Variants in TLN2 observed in about 807,000 individuals in gnomAD.
TLN2 encodes talin-2.
TLN2 carries 118 observed loss-of-function variants against 294.7 expected under a neutral mutation model. The ratio of observed to expected loss-of-function variants is 0.40; its 90% CI spans 0.34 to 0.47. The LOEUF (loss-of-function observed/expected upper bound fraction) is 0.47, where lower values mean the gene tolerates loss of function less well. Ranked by LOEUF, TLN2 falls within the 20% of genes least tolerant of loss-of-function variation. The pLI, the probability that TLN2 is intolerant of heterozygous loss-of-function variation, is 0.84. For synonymous variants in TLN2, 1,431 were observed against 1,304.5 expected, an observed-to-expected ratio of 1.10 and a Z score of -2.09; for missense variants, 3,083 against 3,282.2, an observed-to-expected ratio of 0.94 and a Z score of 1.48.
At chr15:62,578,841 G>A (rs186315748) in intron 1 of TLN2, among the ~76,000 whole-genome samples, 31 of 152,298 alleles carry the variant, frequency 2.0e-4, no homozygotes, top group African/African-American at 7.5e-4. Context: ...CAGGGAGCAA[G>A]GATGCCCCTG....
In TLN2 at chr15:62,436,984, C is replaced by A. The variant is rs539331353; in HGVS notation, c.-238+46299C>A. ...CCCCAAGTGATCCTCCCGCCTTGGC[C>A]TCCCAAAGTGTTGGGATTAAAGGCG... On this transcript the variant is annotated intron_variant, in intron 1 of 58. Transcript: ENST00000636159. Among the ~76,000 whole-genome samples, 6 of 152,378 alleles carry A rather than the reference C, an allele frequency of 3.9e-5. No homozygotes were observed. The South Asian group carries it at 1.2e-3, about 32-fold the overall frequency.
chr15:62,773,482 G>C (rs566596231), intron 42 of TLN2, among the ~76,000 whole-genome samples: 12 of 152,156 alleles, frequency 7.9e-5, no homozygotes, highest in African/African-American at 2.9e-4. Flanking sequence ...TGCAAACCCT[G>C]ACAGGCTTAG....
At chr15:62,652,677 C>A (rs1314720693) in intron 6 of TLN2, among the ~76,000 whole-genome samples, 2 of 152,244 alleles carry the variant, frequency 1.3e-5, no homozygotes, top group East Asian at 1.9e-4. Flanking sequence ...TCTGCATGAC[C>A]TCCTCTGTGG....
At chr15:62,749,809 G>A (rs1440495977) in intron 33 of TLN2, among the ~76,000 whole-genome samples, 1 of 152,180 alleles carries the variant, frequency 6.6e-6, no homozygotes, top group Non-Finnish European at 1.5e-5. Flanking sequence ...TGGTGGCTTA[G>A]AGACACAGAG....
At chr15:62,540,211 G>C (rs1596060229) in intron 1 of TLN2, among the ~76,000 whole-genome samples, 1 of 151,888 alleles carries the variant, frequency 6.6e-6, no homozygotes, top group Non-Finnish European at 1.5e-5. Context: ...CATGGTGATG[G>C]GTCCTGTAAT....
intron 54 of TLN2, chr15:62,828,543 A>G (rs548434812): frequency 6.6e-6 from 1 of 152,220 alleles, no homozygotes; most frequent in Admixed American, 6.5e-5. Flanking sequence ...TTACATTTGT[A>G]TGTCCATGCA....
chr15:62,627,351 C>A (rs997890206), intron 3 of TLN2, among the ~76,000 whole-genome samples: 10 of 152,290 alleles, frequency 6.6e-5, no homozygotes, highest in African/African-American at 2.4e-4. Context: ...TAGGTGTTCC[C>A]TTTCTGTCTT....
intron 1 of TLN2, among the ~76,000 whole-genome samples, chr15:62,412,715 A>G (rs1399353558): frequency 1.3e-5 from 2 of 152,228 alleles, no homozygotes; most frequent in African/African-American, 4.8e-5. Context: ...GCAGGATCAG[A>G]TGGAGTACAG....
intron 1 of TLN2, among the ~76,000 whole-genome samples, chr15:62,533,918 T>G (rs144835559): frequency 2.0e-5 from 3 of 152,180 alleles, no homozygotes; most frequent in Non-Finnish European, 4.4e-5. Flanking sequence ...TGCTGTTTGC[T>G]TATGGTGTGA....
chr15:62,513,238 C>T (rs1426762487), intron 1 of TLN2, among the ~76,000 whole-genome samples: 2 of 152,312 alleles, frequency 1.3e-5, no homozygotes, highest in East Asian at 3.9e-4. Flanking sequence ...GCTTTGCAGG[C>T]CCTTTGCTGT....
chr15:62,782,959 C>T lies in TLN2; in HGVS notation c.5617-812C>T, dbSNP rs200320920. Among the ~76,000 whole-genome samples, 14 of 152,268 alleles carry T rather than the reference C, an allele frequency of 9.2e-5. No homozygotes were observed. In the East Asian group the frequency reaches 2.5e-3, roughly 27 times the overall value. On this transcript the variant is annotated intron_variant, in intron 44 of 58. Transcript: ENST00000636159. ...CCGTCTGGGTGGCAGATTAAAACTG[C>T]TTTTGTGAGAATTTAGAGGTATTTT... is the stretch of plus-strand genomic sequence containing the variant.
Position 62,750,404 on chromosome 15 carries a change from T to C in TLN2, c.4122T>C (p.Thr1374=). 6.2e-7 allele frequency: 1 copy of C among 1,613,848 alleles called. No homozygotes were observed. Among genetic ancestry groups the C allele is most frequent in the Non-Finnish European group, 8.5e-7 (1 of 1,179,702 alleles). Residue 1374 remains threonine, a splice_region_variant and synonymous_variant, in exon 34 of 59, where the codon ACT becomes ACC. Transcript: ENST00000636159. ...TATGTTGTGTTCTTCTTCTGTAGAC[T>C]GTGAAGGGGATGTTGGACAATCCTA... ...ECDNALRELE[T]VKGMLDNPNE...
chr15:62,526,957 ATAGT>A (rs1403959311), intron 1 of TLN2, among the ~76,000 whole-genome samples: 8 of 152,262 alleles, frequency 5.3e-5, no homozygotes, highest in Non-Finnish European at 1.0e-4. Flanking sequence ...TCTACAGTCT[ATAGT>A]TAGAGTCTGT....
chr15:62,840,624 G>GATGGCGAGCCCC lies in TLN2; in HGVS notation c.*16_*27dup. Reference sequence around the variant, plus strand: ...GATGAGGGCTAAAGGTGCGAGCCCAGATGGCGAGCCCCAGGGGATGGCCCT... The same window carrying GATGGCGAGCCCC: ...GATGAGGGCTAAAGGTGCGAGCCCAGATGGCGAGCCCCATGGCGAGCCCCAGGGGATGGCCCT... On this transcript the variant is annotated 3_prime_UTR_variant, in exon 59 of 59. Coordinates refer to ENST00000636159, the MANE Select transcript of TLN2 (RefSeq NM_015059.3). 1 of 1,612,236 alleles carries GATGGCGAGCCCC rather than the reference G, an allele frequency of 6.2e-7. No homozygotes were observed. Among genetic ancestry groups the GATGGCGAGCCCC allele is most frequent in the Non-Finnish European group, 8.5e-7 (1 of 1,179,116 alleles).
intron 54 of TLN2, among the ~76,000 whole-genome samples, chr15:62,823,070 C>T (rs1186296161): frequency 1.3e-5 from 2 of 152,130 alleles, no homozygotes; most frequent in Non-Finnish European, 1.5e-5. Context: ...GTCCTTCGGC[C>T]AAGGTCAAGG....
chr15:62,712,992 C>T (rs2059519962), intron 22 of TLN2, among the ~76,000 whole-genome samples: 1 of 151,854 alleles, frequency 6.6e-6, no homozygotes, highest in Non-Finnish European at 1.5e-5. Flanking sequence ...TAAGGCCAGG[C>T]ACGGTGGCTC....
chr15:62,459,923 T>A (rs1566990965), intron 1 of TLN2, among the ~76,000 whole-genome samples: 1 of 152,160 alleles, frequency 6.6e-6, no homozygotes, highest in Non-Finnish European at 1.5e-5. Flanking sequence ...AATGATCAAT[T>A]TTCGTGAAAT....
chr15:62,726,155 C>T (rs1020225073), intron 27 of TLN2, among the ~76,000 whole-genome samples: 5 of 152,094 alleles, frequency 3.3e-5, no homozygotes. Context: ...ACATGTAATT[C>T]CATCTTTACG....
chr15:62,536,808 G>A (rs762542714), intron 1 of TLN2, among the ~76,000 whole-genome samples: 12 of 152,128 alleles, frequency 7.9e-5, no homozygotes, highest in Non-Finnish European at 1.3e-4. Context: ...TGGAATAATT[G>A]TACATGTTTA....
Sources: gnomAD v4.1 joint callset for allele counts (sites outside exome capture counted in the v4.1 genomes callset) on GRCh38, gnomAD v4.1.1 for gene constraint, MANE v1.5 for transcripts, NCBI Gene and HGNC (gene_info 2026-07-23, HGNC 2026-07-21) for gene names.